The following DCAF6 variants were observed in gnomAD, a reference collection of about 807,000 sequenced individuals.
DCAF6 encodes DDB1 and CUL4 associated factor 6.
Under a neutral mutation model 125.1 loss-of-function variants are expected in DCAF6, and 54 were observed. The observed-to-expected ratio is 0.43, with a 90% CI of 0.35 to 0.54. The LOEUF (loss-of-function observed/expected upper bound fraction) is 0.54, where lower values mean the gene tolerates loss of function less well. DCAF6 is among the 20% of genes least tolerant of loss of function. The pLI is 0.01. For missense variants in DCAF6, 934 were observed against 1,161.7 expected (o/e 0.80, Z 2.85); for synonymous variants, 371 against 390.4 (o/e 0.95, Z 0.58).
At chr1:167,987,093 C>T (rs1465449941) in intron 4 of DCAF6, among the ~76,000 whole-genome samples, 1 of 152,064 alleles carries the variant, frequency 6.6e-6, no homozygotes, top group Non-Finnish European at 1.5e-5. Flanking sequence ...TTGTCTTAAA[C>T]GTTACCAGAG....
chr1:167,876,676 G>A, the DCAF6 span, among the ~76,000 whole-genome samples: 1 of 152,092 alleles, frequency 6.6e-6, no homozygotes, highest in Non-Finnish European at 1.5e-5. Context: ...ACAGGCTTTG[G>A]GATCAGATAG....
chr1:167,865,610 G>A, the DCAF6 span, among the ~76,000 whole-genome samples: 2,891 of 152,254 alleles, frequency 0.019, 43 homozygotes, highest in East Asian at 0.042. Flanking sequence ...ATGGTGTTTA[G>A]CTTTCTTTGG....
rs1048221901 is a variant in DCAF6 at position 168,068,367 on chromosome 1, C to T, written c.2695C>T (p.Arg899Ter). ...NRKLADEVIT[R>*]NELMLEETRN... ...TTAACTTGCCTTGTAGGTTATAACT[C>T]GAAACGAACTCATGCTGGAAGAAAC... The change falls in exon 21 of 22, where the codon CGA becomes TGA. Residue 899 changes from arginine to a stop codon, truncating the protein, a stop_gained. Transcript: ENST00000367840. LOFTEE classifies it high-confidence loss of function. 2 of 1,604,650 alleles carry T rather than the reference C, an allele frequency of 1.2e-6. No homozygotes were observed. Among genetic ancestry groups the T allele is most frequent in the Non-Finnish European group, 1.7e-6 (2 of 1,174,526 alleles).
chr1:167,903,653 A>T, the DCAF6 span, among the ~76,000 whole-genome samples: 3 of 152,212 alleles, frequency 2.0e-5, no homozygotes, highest in Non-Finnish European at 4.4e-5. Flanking sequence ...TGTATAATTC[A>T]GCCCTCTAAC....
the DCAF6 span, among the ~76,000 whole-genome samples, chr1:167,930,499 T>C: frequency 1.3e-5 from 2 of 152,184 alleles, no homozygotes; most frequent in Non-Finnish European, 2.9e-5. Context: ...ACAATAATTA[T>C]ATGACTTTCC....
chr1:167,887,872 C>A, the DCAF6 span, among the ~76,000 whole-genome samples: 9 of 151,578 alleles, frequency 5.9e-5, no homozygotes, highest in East Asian at 1.7e-3. Context: ...TTTGCCCACT[C>A]CAATGTCCTT....
the DCAF6 span, among the ~76,000 whole-genome samples, chr1:167,892,389 T>A: frequency 2.6e-5 from 4 of 152,200 alleles, no homozygotes; most frequent in African/African-American, 9.7e-5. Context: ...GGGTTCAGGG[T>A]CTGGTTTTGG....
chr1:167,973,023 A>G (rs1241185639), intron 3 of DCAF6, among the ~76,000 whole-genome samples: 1 of 152,348 alleles, frequency 6.6e-6, no homozygotes, highest in East Asian at 1.9e-4. Context: ...ACTAATGCAC[A>G]GCCAAAGCCA....
At chr1:167,878,911 C>T in the DCAF6 span, among the ~76,000 whole-genome samples, 1 of 152,150 alleles carries the variant, frequency 6.6e-6, no homozygotes, top group South Asian at 2.1e-4. Context: ...GGAGCAGGCT[C>T]TGTAAGTGGG....
At chr1:167,918,631 T>G in the DCAF6 span, among the ~76,000 whole-genome samples, 2 of 151,060 alleles carry the variant, frequency 1.3e-5, no homozygotes, top group Non-Finnish European at 2.9e-5. Flanking sequence ...TCTCACTCTG[T>G]CGCCCAGGCT....
chr1:168,026,835 G>A (rs1686405766), intron 12 of DCAF6, among the ~76,000 whole-genome samples: 1 of 152,058 alleles, frequency 6.6e-6, no homozygotes, highest in East Asian at 1.9e-4. Context: ...ATAAAGGTAA[G>A]GAATCATTAG....
chr1:167,943,528 T>C (rs1672585511), intron 1 of DCAF6, among the ~76,000 whole-genome samples: 1 of 152,254 alleles, frequency 6.6e-6, no homozygotes, highest in African/African-American at 2.4e-5. Flanking sequence ...TTTTTACTTT[T>C]TATTTGTACA....
At chr1:167,886,273 C>G in the DCAF6 span, among the ~76,000 whole-genome samples, 9 of 152,184 alleles carry the variant, frequency 5.9e-5, no homozygotes, top group African/African-American at 2.2e-4. Context: ...AAGCTGGAGG[C>G]ATCATGCTAC....
chr1:168,016,014 A>G, intron 11 of DCAF6, 63 bp downstream of exon 11: 1 of 1,291,524 alleles, frequency 7.7e-7, no homozygotes, highest in Non-Finnish European at 1.0e-6. Flanking sequence ...GCTACTGTGT[A>G]ATAAGGTGCT....
intron 5 of DCAF6, among the ~76,000 whole-genome samples, chr1:167,989,390 C>A (rs924956661): frequency 1.3e-5 from 2 of 152,116 alleles, no homozygotes; most frequent in African/African-American, 4.8e-5. Flanking sequence ...TGAAAGTAGT[C>A]TTTCCTTAGT....
At chr1:167,942,523 T>C (rs1430362395) in intron 1 of DCAF6, among the ~76,000 whole-genome samples, 1 of 152,252 alleles carries the variant, frequency 6.6e-6, no homozygotes, top group Admixed American at 6.5e-5. Flanking sequence ...ATATGTACTT[T>C]ACAAATATTT....
At chr1:167,873,868 G>C in the DCAF6 span, among the ~76,000 whole-genome samples, 3 of 152,202 alleles carry the variant, frequency 2.0e-5, no homozygotes, top group Non-Finnish European at 4.4e-5. Context: ...TAAGAATTCT[G>C]TTTATTAAAT....
At chr1:167,902,157 G>A in the DCAF6 span, 1 of 1,142,844 alleles carries the variant, frequency 8.8e-7, no homozygotes, top group Non-Finnish European at 1.3e-6. Context: ...AAAGAACAGT[G>A]ATTCAGAGAA....
chr1:168,008,002 A>G (rs1214425655), intron 10 of DCAF6, among the ~76,000 whole-genome samples: 1 of 107,748 alleles, frequency 9.3e-6, no homozygotes, highest in Non-Finnish European at 1.7e-5. Context: ...AGACAGTCTC[A>G]CTCTGTCACC....
Sources: allele counts gnomAD v4.1 joint callset (sites outside exome capture counted in the v4.1 genomes callset), GRCh38; gene constraint gnomAD v4.1.1; transcripts MANE v1.5; gene names NCBI Gene and HGNC (gene_info 2026-07-23, HGNC 2026-07-21).